Variants in UNG observed in about 807,000 individuals in gnomAD.
UNG encodes uracil DNA glycosylase.
UNG carries 34 observed loss-of-function variants against 36.5 expected under a neutral mutation model. That is an observed-to-expected ratio of 0.93 (90% CI 0.71 to 1.24). UNG has a LOEUF of 1.24. UNG is among the 50% of genes most tolerant of loss of function. The pLI, the probability that UNG is intolerant of heterozygous loss-of-function variation, is 0.00. For missense variants in UNG, 391 were observed against 397.6 expected, an observed-to-expected ratio of 0.98 and a Z score of 0.14; for synonymous variants, 172 against 157.8, an observed-to-expected ratio of 1.09 and a Z score of -0.67.
chr12:109,098,157 G>A (rs3219207), intron 1 of UNG: 34,824 of 1,394,336 alleles, frequency 0.025, 530 homozygotes, highest in Non-Finnish European at 0.028. Context: ...GGTCTGGCGG[G>A]GGCGGGGCAC....
At chr12:109,102,320 C>G (rs2042184232) in intron 4 of UNG, among the ~76,000 whole-genome samples, 1 of 152,076 alleles carries the variant, frequency 6.6e-6, no homozygotes, top group African/African-American at 2.4e-5. Context: ...TGGTTAAGAA[C>G]CACTGCTTTG....
chr12:109,109,164 C>T (rs918313070), intron 6 of UNG, among the ~76,000 whole-genome samples: 1 of 152,088 alleles, frequency 6.6e-6, no homozygotes, highest in Non-Finnish European at 1.5e-5. Context: ...TAACCCCATC[C>T]ATTGTGTTAA....
intron 1 of UNG, 54 bp downstream of exon 1, chr12:109,097,865 G>A (rs1197283745): frequency 3.4e-6 from 5 of 1,465,096 alleles, no homozygotes; most frequent in Middle Eastern, 2.1e-4. Context: ...AAGGCGGTGG[G>A]CCCCGCCTGA....
chr12:109,098,124 C>T, intron 1 of UNG: 1 of 1,386,124 alleles, frequency 7.2e-7, no homozygotes, highest in Non-Finnish European at 9.3e-7. Context: ...CGCGAAAAGA[C>T]CACGTGGGGA....
intron 6 of UNG, among the ~76,000 whole-genome samples, chr12:109,104,280 C>G (rs977094055): frequency 6.6e-6 from 1 of 151,770 alleles, no homozygotes; most frequent in Non-Finnish European, 1.5e-5. Flanking sequence ...AACTCCTGAC[C>G]TCAAGCGATC....
chr12:109,098,114 C>A, intron 1 of UNG: 2 of 1,370,714 alleles, frequency 1.5e-6, no homozygotes, highest in Non-Finnish European at 1.9e-6. Context: ...GGTTTTTTGC[C>A]GCGAAAAGAC....
At chr12:109,102,024 C>T in intron 4 of UNG, 25 bp downstream of exon 4, 1 of 1,592,562 alleles carries the variant, frequency 6.3e-7, no homozygotes, top group Non-Finnish European at 8.6e-7. Context: ...CAGGTGACTG[C>T]AGTCCAGACA....
At chr12:109,103,709 A>G in intron 6 of UNG, 98 bp downstream of exon 6, 1 of 1,324,168 alleles carries the variant, frequency 7.6e-7, no homozygotes, top group Non-Finnish European at 1.0e-6. Context: ...GTCCTGGAAA[A>G]TCCATGTTAT....
At chr12:109,098,686 G>A (rs2042153712) in intron 2 of UNG, 48 bp downstream of exon 2, 1 of 1,611,344 alleles carries the variant, frequency 6.2e-7, no homozygotes. Context: ...GGAGGCTGCC[G>A]GCCCTTTTGT....
intron 1 of UNG, 82 bp from the exon 2 acceptor site, chr12:109,098,350 G>A: frequency 1.2e-6 from 2 of 1,603,424 alleles, no homozygotes; most frequent in South Asian, 1.1e-5. Context: ...GCCTTGGGCC[G>A]TGGGGGTTGG....
chr12:109,104,194 C>T (rs1463379175), intron 6 of UNG, among the ~76,000 whole-genome samples: 4 of 151,988 alleles, frequency 2.6e-5, no homozygotes, highest in South Asian at 2.1e-4. Context: ...TACAGGCGCC[C>T]GCCACCACAC....
At chr12:109,108,316 TG>T (rs1385004842) in intron 6 of UNG, among the ~76,000 whole-genome samples, 9 of 152,166 alleles carry the variant, frequency 5.9e-5, no homozygotes, top group African/African-American at 2.2e-4. Context: ...ACTCACACGT[TG>T]TTTTTTTTTC....
chr12:109,103,433 G>A lies in UNG; in HGVS notation c.623G>A (p.Gly208Asp). The change falls in exon 6 of 7, where the codon GGT becomes GAT. Residue 208 changes from glycine to aspartate, a missense_variant and splice_region_variant. Physicochemically the swap from Gly to Asp is moderately conservative, Grantham distance 94. Transcript: ENST00000242576. ...TAACCTGTTTCTCTCATGTGTATAG[G>A]TGTTCTCCTTCTCAACGCTGTCCTC... ...HGDLSGWAKQ[G>D]VLLLNAVLTV... 6.2e-7 allele frequency: 1 copy of A among 1,614,068 alleles called. No individual in the cohort carries two copies.
At chr12:109,102,702 C>A in intron 4 of UNG, 137 bp from the exon 5 acceptor site, 1 of 684,854 alleles carries the variant, frequency 1.5e-6, no homozygotes, top group Non-Finnish European at 2.6e-6. Context: ...TCTCATTAAT[C>A]GGCGCCATAT....
At chr12:109,102,761 A>T (rs2042187619) in intron 4 of UNG, 78 bp from the exon 5 acceptor site, 1 of 1,198,448 alleles carries the variant, frequency 8.3e-7, no homozygotes, top group Admixed American at 1.7e-5. Flanking sequence ...ACCTTTTCAC[A>T]TATGTCTTAG....
At chr12:109,108,989 C>G (rs1011391452) in intron 6 of UNG, among the ~76,000 whole-genome samples, 2 of 152,150 alleles carry the variant, frequency 1.3e-5, no homozygotes, top group African/African-American at 4.8e-5. Context: ...GTACTAAACA[C>G]TTCATTGTAA....
chr12:109,109,000 A>C (rs866950642), intron 6 of UNG, among the ~76,000 whole-genome samples: 9 of 152,182 alleles, frequency 5.9e-5, no homozygotes, highest in African/African-American at 2.2e-4. Context: ...TTCATTGTAA[A>C]AGAAGCTTTG....
At chr12:109,104,795 A>T (rs998675453) in intron 6 of UNG, among the ~76,000 whole-genome samples, 2 of 152,164 alleles carry the variant, frequency 1.3e-5, no homozygotes, top group Non-Finnish European at 2.9e-5. Context: ...TGCTTCAATG[A>T]TCGAAGGCAA....
intron 6 of UNG, 45 bp from the exon 7 acceptor site, chr12:109,109,784 T>G (rs751857272): frequency 2.7e-6 from 4 of 1,496,388 alleles, no homozygotes; most frequent in Middle Eastern, 1.7e-4. Context: ...AAAAAAAATT[T>G]AAAAAGTCCC....
Sources: gnomAD v4.1 joint callset for allele counts (sites outside exome capture counted in the v4.1 genomes callset) on GRCh38, gnomAD v4.1.1 for gene constraint, MANE v1.5 for transcripts, NCBI Gene and HGNC (gene_info 2026-07-23, HGNC 2026-07-21) for gene names.